The following SH3BP4 variants were observed in gnomAD, a reference collection of about 807,000 sequenced individuals.
The protein encoded by SH3BP4 is SH3 domain-binding protein 4.
In SH3BP4, 33 loss-of-function variants were observed where a neutral mutation model predicts 65.5. The observed-to-expected ratio is 0.50, with a 90% confidence interval of 0.38 to 0.67. SH3BP4 has a LOEUF of 0.67. Among genes scored for constraint, SH3BP4 ranks in the 30% least tolerant of loss-of-function variants. SH3BP4 has a pLI of 0.00. For missense variants in SH3BP4, 1,134 were observed against 1,261.4 expected, an observed-to-expected ratio of 0.90 and a Z score of 1.53; for synonymous variants, 552 against 545.5, an observed-to-expected ratio of 1.01 and a Z score of -0.17.
In SH3BP4 at chr2:235,027,784, A is replaced by T. The variant is rs115779131; in HGVS notation, c.-132-7087A>T. Among the ~76,000 whole-genome samples the T allele has an allele frequency of 1.4e-3, 218 of 152,136 alleles. 2 individuals carry two copies. The highest frequency in any genetic ancestry group is 5.1e-3 in the African/African-American group (211 of 41,490). On this transcript the variant is annotated intron_variant, in intron 2 of 5. Transcript: ENST00000392011. Reference sequence around the variant, plus strand: ...TCGTGGCCGCAGGAGAACGGAGGAGAACGTGAACAGTCTGTGCGCTCAGCC... The same window carrying T: ...TCGTGGCCGCAGGAGAACGGAGGAGTACGTGAACAGTCTGTGCGCTCAGCC...
rs199714068 is a variant in SH3BP4 at position 235,019,873 on chromosome 2, T to TAAA, written c.-132-14977_-132-14975dup. On this transcript the variant is annotated intron_variant, in intron 2 of 5. Coordinates refer to ENST00000392011, the MANE Select transcript of SH3BP4 (RefSeq NM_014521.3). The stretch of plus-strand genomic sequence containing the variant: ...TCCCAAACTATACTCTAAAGATTCT[T>TAAA]AAAAAAAAAAAAAAAAAAAAAAATC... Among the ~76,000 whole-genome samples the TAAA allele has an allele frequency of 7.1e-3, 799 of 112,562 alleles. 5 individuals are homozygous for TAAA. The highest frequency in any genetic ancestry group is 0.026 in the African/African-American group (760 of 29,422). 73.8% of individuals were successfully genotyped at this position (112,562 alleles called of 152,430 possible).
chr2:235,048,232 T>TC (rs1695936369), intron 4 of SH3BP4, among the ~76,000 whole-genome samples: 1 of 152,146 alleles, frequency 6.6e-6, no homozygotes, highest in African/African-American at 2.4e-5. Context: ...GCAGAAGGCT[T>TC]CCCCTCGAGT....
intron 1 of SH3BP4, among the ~76,000 whole-genome samples, chr2:234,987,369 A>G (rs1224472300): frequency 6.6e-6 from 1 of 152,028 alleles, no homozygotes; most frequent in Non-Finnish European, 1.5e-5. Context: ...CATGGTCTAC[A>G]GGCTGGAAGA....
rs149910212 is a variant in SH3BP4 at position 235,001,419 on chromosome 2, G to A, written c.-133+6043G>A. Among the ~76,000 whole-genome samples the A allele has an allele frequency of 2.5e-3, 386 of 152,304 alleles. 1 individual carries two copies. Among genetic ancestry groups the A allele is most frequent in the African/African-American group, 8.8e-3 (366 of 41,550 alleles). ...ATCGCACTTGGAGATAAGATAAGCC[G>A]AGGCGGGACCTAATGGGGCCTCAAT... On this transcript the variant is annotated intron_variant, in intron 2 of 5. Coordinates refer to ENST00000392011, the MANE Select transcript of SH3BP4 (RefSeq NM_014521.3).
At chr2:235,020,212 C>A (rs1694811760) in intron 2 of SH3BP4, among the ~76,000 whole-genome samples, 1 of 152,196 alleles carries the variant, frequency 6.6e-6, no homozygotes, top group Non-Finnish European at 1.5e-5. Flanking sequence ...TAAGTGACTT[C>A]TTGACCAGGT....
intron 1 of SH3BP4, among the ~76,000 whole-genome samples, chr2:234,973,360 C>A (rs528055764): frequency 2.6e-5 from 4 of 152,138 alleles, no homozygotes; most frequent in Non-Finnish European, 5.9e-5. Context: ...ACCCCTGTGC[C>A]CTCCCGGTTT....
rs148583381 is a variant in SH3BP4 at position 235,026,303 on chromosome 2, C to T, written c.-132-8568C>T. ...ACATCTGGAATCATGACTCCAGCCG[C>T]GCTAGCCATCTCACTTTTTACAATA... On this transcript the variant is annotated intron_variant, in intron 2 of 5. Coordinates refer to ENST00000392011, the MANE Select transcript of SH3BP4 (RefSeq NM_014521.3). This position sits in a 1 kb window ranked among gnomAD's most constrained non-coding sequence, Gnocchi z 4.6. Among the ~76,000 whole-genome samples, 4 of 152,252 alleles carry T rather than the reference C, an allele frequency of 2.6e-5. No individual in the cohort carries two copies. Among genetic ancestry groups the T allele is most frequent in the Non-Finnish European group, 5.9e-5 (4 of 68,018 alleles).
Position 235,042,767 on chromosome 2 carries a change from G to A in SH3BP4, c.1998G>A (p.Val666=), listed in dbSNP as rs2106335471. The A allele has an allele frequency of 6.2e-7, 1 of 1,614,170 alleles. No individual in the cohort carries two copies. Among genetic ancestry groups the A allele is most frequent in the East Asian group, 2.2e-5 (1 of 44,884 alleles). ...LKFGKLLKTV[V]RQNKNHYLLE... ...TTGGTAAGTTGCTCAAGACTGTGGT[G>A]CGGCAGAACAAGAACCACTACCTGC... The change falls in exon 4 of 6, where the codon GTG becomes GTA. Residue 666 remains valine, a synonymous_variant. Transcript: ENST00000392011. The surrounding 1 kb of genome is among the most constrained non-coding windows in gnomAD (Gnocchi z 7.3).
At position 235,046,242 on chromosome 2, in the gene SH3BP4, T is replaced by C. The variant is rs924597598; in HGVS notation, c.2478+2995T>C. ...CTCTGCAGCCCCGCGCACTCCATCA[T>C]CCTCTGTCTCCATGGTGTTTCTTGA... On this transcript the variant is annotated intron_variant, in intron 4 of 5. Transcript: ENST00000392011. This position sits in a 1 kb window ranked among gnomAD's most constrained non-coding sequence, Gnocchi z 4.2. Among the ~76,000 whole-genome samples the C allele has an allele frequency of 2.0e-5, 3 of 152,158 alleles. No individual in the cohort carries two copies. In the South Asian group the frequency reaches 6.2e-4, roughly 32 times the overall value.
At chr2:235,049,439 A>G (rs929285546) in intron 4 of SH3BP4, among the ~76,000 whole-genome samples, 5 of 152,202 alleles carry the variant, frequency 3.3e-5, no homozygotes, top group Admixed American at 3.3e-4. Context: ...AGTAGCCACG[A>G]AAGAGCTGAG....
rs762954938 is a variant in SH3BP4 at position 235,041,819 on chromosome 2, G to C, written c.1050G>C (p.Glu350Asp). Residue 350 changes from glutamate (E) to aspartate (D), a missense_variant, in exon 4 of 6, where the codon GAG (glutamate) becomes GAC (aspartate). Glu to Asp is a conservative substitution (Grantham distance 45). Transcript: ENST00000392011. The surrounding 1 kb of genome is among the most constrained non-coding windows in gnomAD (Gnocchi z 6.0). ...CCGAGGGCCACGTCGCCCCTGGGGA[G>C]ACCCAGCAGATCTCCATGAAAGCCC... ...HVPEGHVAPGETQQISMKALL... is the reference protein window; with the variant it reads ...HVPEGHVAPGDTQQISMKALL... The C allele has an allele frequency of 6.3e-7, 1 of 1,598,310 alleles. No homozygotes were observed. The highest frequency in any genetic ancestry group is 8.5e-7 in the Non-Finnish European group (1 of 1,171,136).
Position 235,033,097 on chromosome 2 carries a change from A to G in SH3BP4, c.-132-1774A>G, listed in dbSNP as rs1695257989. Among the ~76,000 whole-genome samples the G allele has an allele frequency of 6.6e-6, 1 of 152,164 alleles. No homozygotes were observed. The highest frequency in any genetic ancestry group is 1.5e-5 in the Non-Finnish European group (1 of 68,004). ...GTTTTTTAAGGGAAGGGCCCCCAGC[A>G]GGGCAGCTCTGCCGCTCCCCAGAGA... is the stretch of plus-strand genomic sequence containing the variant. On this transcript the variant is annotated intron_variant, in intron 2 of 5. Transcript: ENST00000392011. The surrounding 1 kb of genome is among the most constrained non-coding windows in gnomAD (Gnocchi z 5.7).
chr2:234,982,731 G>A (rs1693425050), intron 1 of SH3BP4, among the ~76,000 whole-genome samples: 1 of 152,168 alleles, frequency 6.6e-6, no homozygotes, highest in Non-Finnish European at 1.5e-5. Flanking sequence ...GGTGGGATAT[G>A]TATAGGGGAG....
intron 2 of SH3BP4, among the ~76,000 whole-genome samples, chr2:235,003,898 G>A (rs1004389008): frequency 6.6e-6 from 1 of 152,132 alleles, no homozygotes; most frequent in African/African-American, 2.4e-5. Context: ...GGTTTGAGTT[G>A]GGTTTTGAGA....
chr2:234,986,593 C>T (rs906086141), intron 1 of SH3BP4, among the ~76,000 whole-genome samples: 1 of 152,090 alleles, frequency 6.6e-6, no homozygotes, highest in African/African-American at 2.4e-5. Context: ...TGTCGTTACT[C>T]TGCATATCAT....
At chr2:234,993,759 A>C (rs1476797564) in intron 1 of SH3BP4, among the ~76,000 whole-genome samples, 1 of 152,232 alleles carries the variant, frequency 6.6e-6, no homozygotes, top group Non-Finnish European at 1.5e-5. Context: ...GCTCTGAGCA[A>C]CATGGTAGAC....
In SH3BP4 at chr2:235,043,165, C is replaced by T. The variant is rs940962370; in HGVS notation, c.2396C>T (p.Ala799Val). The change falls in exon 4 of 6, where the codon GCG becomes GTG. Residue 799 changes from alanine to valine, a missense_variant. Physicochemically the swap from Ala to Val is moderately conservative, Grantham distance 64. Transcript: ENST00000392011. The stretch of plus-strand genomic sequence containing the variant: ...CTGGATAGTGAGCCCGAGCGGGTGG[C>T]GTCCGTCCTAGAAAAGCTGAAGGAG... ...AELDSEPERV[A>V]SVLEKLKEDC... 1.2e-6 allele frequency: 2 copies of T among 1,612,156 alleles called. No homozygotes were observed. Among genetic ancestry groups the T allele is most frequent in the South Asian group, 1.1e-5 (1 of 90,938 alleles).
intron 2 of SH3BP4, among the ~76,000 whole-genome samples, chr2:235,032,020 G>A (rs754996985): frequency 3.3e-5 from 5 of 152,266 alleles, no homozygotes; most frequent in South Asian, 4.1e-4. Context: ...CAATGCTATA[G>A]TCATGAGGCG....
At chr2:235,001,754 C>G (rs1344639850) in intron 2 of SH3BP4, among the ~76,000 whole-genome samples, 1 of 152,204 alleles carries the variant, frequency 6.6e-6, no homozygotes, top group Non-Finnish European at 1.5e-5. Flanking sequence ...GAGATGAGTT[C>G]TCACGGACCG....
Sources: allele counts gnomAD v4.1 joint callset (sites outside exome capture counted in the v4.1 genomes callset), GRCh38; gene constraint gnomAD v4.1.1; non-coding constraint Gnocchi (gnomAD v3.1); transcripts MANE v1.5; gene names NCBI Gene and HGNC (gene_info 2026-07-23, HGNC 2026-07-21).